Variants in MS4A12 observed in about 807,000 individuals in gnomAD.
MS4A12 encodes the protein membrane spanning 4-domains A12, also known as membrane-spanning 4-domains subfamily A member 12.
A neutral mutation model predicts 23.7 loss-of-function variants in MS4A12; 28 were observed. That is an observed-to-expected ratio of 1.18 (90% CI 0.88 to 1.62). MS4A12 has a LOEUF of 1.62. MS4A12 is among the 40% of genes most tolerant of loss of function. The pLI, the probability that MS4A12 is intolerant of heterozygous loss-of-function variation, is 0.00. For synonymous variants in MS4A12, 108 were observed against 110.1 expected, an observed-to-expected ratio of 0.98 and a Z score of 0.12; for missense variants, 342 against 327.0, an observed-to-expected ratio of 1.05 and a Z score of -0.35.
chr11:60,502,285 G>C (rs746841842), intron 4 of MS4A12, among the ~76,000 whole-genome samples: 3 of 152,084 alleles, frequency 2.0e-5, no homozygotes, highest in Non-Finnish European at 4.4e-5. Flanking sequence ...TAAAAATCAG[G>C]GTTGTTTAAG....
chr11:60,501,727 G>C (rs549383628), intron 3 of MS4A12, among the ~76,000 whole-genome samples: 6 of 151,920 alleles, frequency 3.9e-5, no homozygotes, highest in Non-Finnish European at 8.8e-5. Flanking sequence ...TTATGAGAAG[G>C]GATGGAGCAG....
intron 1 of MS4A12, among the ~76,000 whole-genome samples, chr11:60,493,269 G>C (rs192778369): frequency 2.0e-5 from 3 of 151,772 alleles, no homozygotes; most frequent in Non-Finnish European, 4.4e-5. Context: ...CCAGCTACTC[G>C]GGGGGCTGAG....
intron 1 of MS4A12, among the ~76,000 whole-genome samples, chr11:60,496,024 C>A (rs1457267709): frequency 6.6e-6 from 1 of 152,202 alleles, no homozygotes; most frequent in African/African-American, 2.4e-5. Context: ...AGTCCTAACT[C>A]TGCCACATGT....
intron 2 of MS4A12, 192 bp downstream of exon 2, chr11:60,497,786 C>G: frequency 3.1e-6 from 2 of 637,518 alleles, no homozygotes; most frequent in South Asian, 4.4e-5. Flanking sequence ...AAAAATATAA[C>G]AAGACACAGA....
At chr11:60,498,621 A>C (rs2086507359) in intron 2 of MS4A12, among the ~76,000 whole-genome samples, 1 of 152,204 alleles carries the variant, frequency 6.6e-6, no homozygotes, top group African/African-American at 2.4e-5. Context: ...TAGAGGGGGA[A>C]ATCAGACTGT....
chr11:60,493,996 C>G (rs543236236), intron 1 of MS4A12, among the ~76,000 whole-genome samples: 8 of 152,184 alleles, frequency 5.3e-5, no homozygotes, highest in African/African-American at 1.9e-4. Context: ...AAAAAAAGGA[C>G]AACTAGGGGT....
intron 1 of MS4A12, among the ~76,000 whole-genome samples, chr11:60,495,576 T>C (rs938678608): frequency 5.9e-5 from 9 of 152,016 alleles, no homozygotes; most frequent in Non-Finnish European, 1.3e-4. Context: ...AATAACTCTT[T>C]AATACTCAAA....
intron 5 of MS4A12, among the ~76,000 whole-genome samples, chr11:60,505,876 G>A (rs1029378764): frequency 2.0e-5 from 3 of 152,160 alleles, no homozygotes; most frequent in Admixed American, 2.0e-4. Flanking sequence ...AAATGCACAG[G>A]AATGCACAGG....
chr11:60,502,796 A>T (rs2086541082), intron 4 of MS4A12, among the ~76,000 whole-genome samples: 1 of 152,248 alleles, frequency 6.6e-6, no homozygotes. Context: ...TAATTAAATC[A>T]AATTAAAATA....
At position 60,501,118 on chromosome 11, in the gene MS4A12, G is replaced by A. The variant is rs1299493410; in HGVS notation, c.350G>A (p.Arg117Lys). ...IVLCLISFSF[R>K]EVLGFASTAV... The stretch of plus-strand genomic sequence containing the variant: ...TTGTGTTTAATATCCTTCTCTTTTA[G>A]AGAAGTATTAGGTTTTGCCTCTACT... Residue 117 changes from arginine (R) to lysine (K), a missense_variant, in exon 3 of 7, where the codon AGA becomes AAA. By Grantham distance (26) the Arg-to-Lys change is conservative (BLOSUM62 2). Transcript: ENST00000016913. 1.9e-6 allele frequency: 3 copies of A among 1,613,634 alleles called. No homozygotes were observed. The Admixed American group carries it at 5.0e-5, about 27-fold the overall frequency.
At position 60,497,493 on chromosome 11, in the gene MS4A12, A is replaced by T. The variant is rs537834442; in HGVS notation, c.175A>T (p.Ile59Phe). ...AQPYGITSPG[I>F]FASSQPGQGN... is the part of the protein sequence containing the mutation. ...GCCCTACGGCATCACATCTCCGGGA[A>T]TCTTTGCTAGCAGTCAACCGGGTCA... is the stretch of plus-strand genomic sequence containing the variant. Residue 59 changes from isoleucine to phenylalanine, a missense_variant, in exon 2 of 7, where the codon ATC becomes TTC. Coordinates refer to ENST00000016913, the MANE Select transcript of MS4A12 (RefSeq NM_017716.3). 6.2e-7 allele frequency: 1 copy of T among 1,614,082 alleles called. No homozygotes were observed. Among genetic ancestry groups the T allele is most frequent in the Non-Finnish European group, 8.5e-7 (1 of 1,180,030 alleles).
In MS4A12 at chr11:60,503,744, C is replaced by T. The variant is rs557717418; in HGVS notation, c.515C>T (p.Ala172Val). ...ATGAACATTGTTAGTTCTATCTTGG[C>T]CTTCATTGGAGTGATTCTGCTGCTG... ...LGMNIVSSILAFIGVILLLVD... is the reference protein window; with the variant it reads ...LGMNIVSSILVFIGVILLLVD... Residue 172 changes from alanine to valine, a missense_variant, in exon 5 of 7, where the codon GCC becomes GTC. Ala to Val is a moderately conservative substitution (Grantham distance 64, BLOSUM62 0). Coordinates refer to ENST00000016913, the MANE Select transcript of MS4A12 (RefSeq NM_017716.3). 1 of 1,613,754 alleles carries T rather than the reference C, an allele frequency of 6.2e-7. No homozygotes were observed. The highest frequency in any genetic ancestry group is 1.1e-5 in the South Asian group (1 of 91,028).
At chr11:60,506,628 G>A in intron 5 of MS4A12, 100 bp from the exon 6 acceptor site, 3 of 761,472 alleles carry the variant, frequency 3.9e-6, no homozygotes, top group Non-Finnish European at 6.6e-6. Flanking sequence ...GGAGCGAGTT[G>A]AGTATAAGCA....
rs764718401 is a variant in MS4A12, at chr11:60,492,842, T to C, written c.-7+14T>C. On this transcript the variant is annotated intron_variant, in intron 1 of 6. Coordinates refer to ENST00000016913, the MANE Select transcript of MS4A12 (RefSeq NM_017716.3). ...CAAAGGAACAAAGTAAGTCCATTGA[T>C]ACGTTCTTGCCTATCTCTCCTCCAA... The C allele has an allele frequency of 6.6e-5, 10 of 152,218 alleles. No individual in the cohort carries two copies. Among genetic ancestry groups the C allele is most frequent in the Non-Finnish European group, 1.3e-4 (9 of 68,046 alleles). 9.4% of individuals were successfully genotyped at this position (152,218 alleles called of 1,614,324 possible).
In MS4A12 at chr11:60,496,562, C is replaced by T. The variant is rs117172034; in HGVS notation, c.-6-751C>T. ...TGTGAACTATCTAGTTTCCCAATTA[C>T]TGGCAAACAATTTTAATCTTGGACT... On this transcript the variant is annotated intron_variant, in intron 1 of 6. Coordinates refer to ENST00000016913, the MANE Select transcript of MS4A12 (RefSeq NM_017716.3). Among the ~76,000 whole-genome samples, 119 of 152,328 alleles carry T rather than the reference C, an allele frequency of 7.8e-4. 1 individual carries two copies. In the East Asian group the frequency reaches 0.02, roughly 25 times the overall value.
Position 60,497,614 on chromosome 11 carries a change from G to GA in MS4A12, c.276+22dup, listed in dbSNP as rs771806056. On this transcript the variant is annotated intron_variant, in intron 2 of 6. Transcript: ENST00000016913. ...CTAGGGGTAAGTCTATTTACTACCAGAATTTTAATTTCACATTTGCAAGGT... is the reference window on the plus strand; with the variant it reads ...CTAGGGGTAAGTCTATTTACTACCAGAAATTTTAATTTCACATTTGCAAGGT... The GA allele has an allele frequency of 1.9e-6, 3 of 1,611,386 alleles. No individual in the cohort carries two copies. In the East Asian group the frequency reaches 6.7e-5, roughly 36 times the overall value.
intron 2 of MS4A12, among the ~76,000 whole-genome samples, chr11:60,499,419 G>C (rs2086513788): frequency 6.6e-6 from 1 of 152,322 alleles, no homozygotes; most frequent in African/African-American, 2.4e-5. Context: ...GATGAGAATG[G>C]GAAGTTTGTG....
intron 4 of MS4A12, among the ~76,000 whole-genome samples, chr11:60,503,417 A>G (rs1363766477): frequency 6.6e-6 from 1 of 152,220 alleles, no homozygotes; most frequent in Admixed American, 6.5e-5. Flanking sequence ...TAAAGAAAAT[A>G]TAGTTGTTAT....
At position 60,501,177 on chromosome 11, in the gene MS4A12, C is replaced by A. The variant is rs376941266; in HGVS notation, c.409C>A (p.Leu137Ile). Reference sequence around the variant, plus strand: ...TGGTGGATACCCATTCTGGGGTGGCCTTTCTGTGAGTAGATTGCTAGAACA... The same window carrying A: ...TGGTGGATACCCATTCTGGGGTGGCATTTCTGTGAGTAGATTGCTAGAACA... The part of the protein sequence containing the change: ...VIGGYPFWGG[L>I]SFIISGSLSV... The change falls in exon 3 of 7, where the codon CTT becomes ATT. Residue 137 changes from leucine to isoleucine, a missense_variant. By Grantham distance (5) the Leu-to-Ile change is conservative. Transcript: ENST00000016913. The A allele has an allele frequency of 6.9e-6, 11 of 1,604,314 alleles. No homozygotes were observed. The African/African-American group carries it at 1.2e-4, about 18-fold the overall frequency.
Sources: gnomAD v4.1 joint callset for allele counts (sites outside exome capture counted in the v4.1 genomes callset) on GRCh38, gnomAD v4.1.1 for gene constraint, MANE v1.5 for transcripts, NCBI Gene and HGNC (gene_info 2026-07-23, HGNC 2026-07-21) for gene names.